ARID5B: variants seen among roughly 807,000 people sequenced by gnomAD.
ARID5B encodes AT-rich interaction domain 5B, also known as AT-rich interactive domain-containing protein 5B.
A neutral mutation model predicts 97.2 loss-of-function variants in ARID5B; 13 were observed. The observed-to-expected ratio is 0.13, with a 90% CI of 0.09 to 0.21. ARID5B has a LOEUF of 0.21. ARID5B is among the 10% of genes least tolerant of loss of function. ARID5B has a pLI of 1.00. For synonymous variants in ARID5B, 556 were observed against 570.3 expected, an observed-to-expected ratio of 0.97 and a Z score of 0.36; for missense variants, 1,210 against 1,465.3, an observed-to-expected ratio of 0.83 and a Z score of 2.84.
intron 2 of ARID5B, among the ~76,000 whole-genome samples, chr10:61,921,958 C>T (rs1844023145): frequency 6.6e-6 from 1 of 152,188 alleles, no homozygotes; most frequent in African/African-American, 2.4e-5. Flanking sequence ...CCTCCCACCT[C>T]AGCCTTCCAA....
intron 2 of ARID5B, among the ~76,000 whole-genome samples, chr10:61,927,409 C>T (rs1025647286): frequency 1.3e-5 from 2 of 152,146 alleles, no homozygotes; most frequent in South Asian, 4.1e-4. Flanking sequence ...GCACTTGAAC[C>T]TCAGTCCATC....
intron 3 of ARID5B, among the ~76,000 whole-genome samples, chr10:61,972,264 G>A (rs937653792): frequency 4.7e-5 from 5 of 106,846 alleles, no homozygotes; most frequent in Non-Finnish European, 7.1e-5. Context: ...TTTCGCTCTT[G>A]TAATCCAGGC....
intron 6 of ARID5B, among the ~76,000 whole-genome samples, chr10:62,058,893 C>T (rs917022753): frequency 1.6e-4 from 24 of 152,146 alleles, no homozygotes; most frequent in South Asian, 4.1e-4. Flanking sequence ...GTCTAAGGGT[C>T]GAACAAGACC....
At chr10:62,019,398 A>G (rs1011493776) in intron 4 of ARID5B, among the ~76,000 whole-genome samples, 2 of 152,226 alleles carry the variant, frequency 1.3e-5, no homozygotes, top group African/African-American at 4.8e-5. Flanking sequence ...CCACCGTACA[A>G]TAGTGAAGAA....
intron 3 of ARID5B, among the ~76,000 whole-genome samples, chr10:61,941,690 G>C (rs776756239): frequency 1.3e-5 from 2 of 152,154 alleles, no homozygotes; most frequent in Non-Finnish European, 2.9e-5. Context: ...CTTGCAGTTT[G>C]AGTTTAACTA....
chr10:61,970,974 T>A (rs1838618783), intron 3 of ARID5B, among the ~76,000 whole-genome samples: 1 of 150,386 alleles, frequency 6.6e-6, no homozygotes, highest in Non-Finnish European at 1.5e-5. Flanking sequence ...GCTTTTAAAG[T>A]GTGTGTGTGT....
At chr10:62,063,129 G>T (rs1450147159) in intron 7 of ARID5B, among the ~76,000 whole-genome samples, 1 of 151,978 alleles carries the variant, frequency 6.6e-6, no homozygotes, top group Non-Finnish European at 1.5e-5. Context: ...TCTCTTCTTT[G>T]TATTTAACAT....
chr10:61,935,375 T>A (rs1844281884), intron 2 of ARID5B, among the ~76,000 whole-genome samples: 1 of 152,074 alleles, frequency 6.6e-6, no homozygotes, highest in Admixed American at 6.6e-5. Context: ...ACATAAGAAC[T>A]CTGCAGAAAG....
intron 3 of ARID5B, among the ~76,000 whole-genome samples, chr10:61,974,019 T>TA (rs1838666294): frequency 6.6e-6 from 1 of 152,218 alleles, no homozygotes; most frequent in Non-Finnish European, 1.5e-5. Context: ...CTTCTCTCTT[T>TA]AAGGCACCCG....
rs186020816 is a variant in ARID5B, at chr10:61,976,326, T to C, written c.503-23765T>C. Among the ~76,000 whole-genome samples, 131 of 152,332 alleles carry C rather than the reference T, an allele frequency of 8.6e-4. 1 individual carries two copies. Among genetic ancestry groups the C allele is most frequent in the South Asian group, 1.9e-3 (9 of 4,828 alleles). The stretch of plus-strand genomic sequence containing the variant: ...ATAATGGCAAAAACTGCAGTTACTT[T>C]TGCAACTACATAACAGAAGCTATTC... On this transcript the variant is annotated intron_variant, in intron 3 of 9. Transcript: ENST00000279873.
At chr10:61,908,661 G>A (rs983099798) in intron 2 of ARID5B, among the ~76,000 whole-genome samples, 2 of 151,948 alleles carry the variant, frequency 1.3e-5, no homozygotes, top group African/African-American at 4.8e-5. Flanking sequence ...TTAGCTGGGC[G>A]TGGTGGTGGG....
intron 3 of ARID5B, among the ~76,000 whole-genome samples, chr10:61,971,214 C>T (rs746518642): frequency 1.1e-4 from 16 of 152,074 alleles, no homozygotes; most frequent in Non-Finnish European, 8.8e-5. Context: ...TTTTTCAGTT[C>T]AGTTTATTAT....
intron 2 of ARID5B, among the ~76,000 whole-genome samples, chr10:61,916,982 G>A (rs893557239): frequency 2.6e-5 from 4 of 152,024 alleles, no homozygotes; most frequent in African/African-American, 4.8e-5. Context: ...GGGAGCGCAC[G>A]ACTGGTTTGA....
At chr10:62,033,332 T>C (rs1301513160) in intron 4 of ARID5B, among the ~76,000 whole-genome samples, 1 of 152,256 alleles carries the variant, frequency 6.6e-6, no homozygotes, top group Non-Finnish European at 1.5e-5. Flanking sequence ...AGGCACACTT[T>C]ACTTTGTGGT....
chr10:62,086,702 A>AC lies in ARID5B; in HGVS notation c.1398+802_1398+803insC, dbSNP rs1564648185. ...CAAGACTCCATCTCAAAAAAAAAAA[A>AC]AAAAAAAAAATATCAGGCATGGTGG... On this transcript the variant is annotated intron_variant, in intron 9 of 9. Transcript: ENST00000279873. Among the ~76,000 whole-genome samples, 90 of 103,238 alleles carry AC rather than the reference A, an allele frequency of 8.7e-4. 2 individuals carry two copies. The highest frequency in any genetic ancestry group is 3.8e-3 in the African/African-American group (89 of 23,684). 67.7% of individuals were successfully genotyped at this position (103,238 alleles called of 152,430 possible).
chr10:62,060,106 C>G (rs1353469370), intron 7 of ARID5B, among the ~76,000 whole-genome samples: 2 of 152,134 alleles, frequency 1.3e-5, no homozygotes, highest in Non-Finnish European at 2.9e-5. Context: ...TGAATAAGAA[C>G]TTATTTTTTC....
intron 9 of ARID5B, among the ~76,000 whole-genome samples, chr10:62,089,905 G>A (rs1840345503): frequency 6.6e-6 from 1 of 152,160 alleles, no homozygotes; most frequent in Non-Finnish European, 1.5e-5. Flanking sequence ...TGACTGCTCT[G>A]CTAAGACATG....
chr10:61,978,732 G>T (rs2132842552), intron 3 of ARID5B, among the ~76,000 whole-genome samples: 1 of 152,348 alleles, frequency 6.6e-6, no homozygotes, highest in East Asian at 1.9e-4. Flanking sequence ...CTTCGCTGAA[G>T]TTGCTTATCA....
At chr10:62,005,930 C>G (rs986147636) in intron 4 of ARID5B, among the ~76,000 whole-genome samples, 7 of 152,138 alleles carry the variant, frequency 4.6e-5, no homozygotes, top group African/African-American at 1.7e-4. Context: ...TGTTCCTGGC[C>G]CCTGTCCACA....
Sources: gnomAD v4.1 joint callset for allele counts (sites outside exome capture counted in the v4.1 genomes callset) on GRCh38, gnomAD v4.1.1 for gene constraint, MANE v1.5 for transcripts, NCBI Gene and HGNC (gene_info 2026-07-23, HGNC 2026-07-21) for gene names.